GRM3: variants seen among roughly 807,000 people sequenced by gnomAD.
GRM3 encodes the protein glutamate metabotropic receptor 3, also known as metabotropic glutamate receptor 3.
In GRM3, 26 loss-of-function variants were observed where a neutral mutation model predicts 70.5. That is an observed-to-expected ratio of 0.37 (90% CI 0.27 to 0.51). The LOEUF (loss-of-function observed/expected upper bound fraction) is 0.51. Ranked by LOEUF, GRM3 falls within the 20% of genes least tolerant of loss-of-function variation. The pLI is 0.93. For missense variants in GRM3, 859 were observed against 1,123.8 expected (o/e 0.76, Z 3.37); for synonymous variants, 443 against 434.9 (o/e 1.02, Z -0.23).
chr7:86,765,981 G>A (rs757423200), intron 2 of GRM3, among the ~76,000 whole-genome samples: 7 of 152,112 alleles, frequency 4.6e-5, no homozygotes, highest in Non-Finnish European at 8.8e-5. Context: ...TCCTGGAATC[G>A]ATCATCTAGC....
In GRM3 at chr7:86,864,572, A is replaced by G; in HGVS notation, c.*217A>G. On this transcript the variant is annotated 3_prime_UTR_variant, in exon 6 of 6. Coordinates refer to ENST00000361669, the MANE Select transcript of GRM3 (RefSeq NM_000840.3). ...TATTAACAATTCCCCCAGAACATGG[A>G]AATAACCATTGTTTACAGAGCTGAG... is the stretch of plus-strand genomic sequence containing the variant. 2.1e-6 allele frequency: 1 copy of G among 469,250 alleles called. No homozygotes were observed. 29.1% of individuals were successfully genotyped at this position (469,250 alleles called of 1,614,324 possible).
chr7:86,786,662 C>T lies in GRM3; in HGVS notation c.870C>T (p.Arg290=), dbSNP rs750137951. The T allele has an allele frequency of 9.9e-6, 16 of 1,611,882 alleles. No homozygotes were observed. Among genetic ancestry groups the T allele is most frequent in the Non-Finnish European group, 1.7e-6 (2 of 1,179,868 alleles). ...DSRELIAAAS[R]ANASFTWVAS... is the part of the protein sequence containing the mutation. Reference sequence around the variant, plus strand: ...GGGAGCTCATTGCAGCCGCCAGCCGCGCCAATGCCTCCTTCACCTGGGTGG... The same window carrying T: ...GGGAGCTCATTGCAGCCGCCAGCCGTGCCAATGCCTCCTTCACCTGGGTGG... The change falls in exon 3 of 6, where the codon CGC becomes CGT. Residue 290 remains arginine (R), a synonymous_variant. Coordinates refer to ENST00000361669, the MANE Select transcript of GRM3 (RefSeq NM_000840.3). The surrounding 1 kb of genome is among the most constrained non-coding windows in gnomAD (Gnocchi z 6.0).
intron 1 of GRM3, among the ~76,000 whole-genome samples, chr7:86,674,288 A>G (rs1794247983): frequency 7.0e-6 from 1 of 143,486 alleles, no homozygotes. Context: ...TTCCTTCCAC[A>G]TGGGCTTGTC....
chr7:86,758,448 T>C (rs961398733), intron 1 of GRM3, among the ~76,000 whole-genome samples: 1 of 152,156 alleles, frequency 6.6e-6, no homozygotes, highest in African/African-American at 2.4e-5. Flanking sequence ...GGAGAGGCTC[T>C]AATTCAGAGG....
intron 1 of GRM3, among the ~76,000 whole-genome samples, chr7:86,694,765 C>T (rs1794777597): frequency 6.6e-6 from 1 of 152,152 alleles, no homozygotes; most frequent in East Asian, 1.9e-4. Flanking sequence ...TCAGGTTCTG[C>T]TGTTTTCCTG....
At chr7:86,685,029 CTG>C (rs1484086069) in intron 1 of GRM3, among the ~76,000 whole-genome samples, 1 of 152,164 alleles carries the variant, frequency 6.6e-6, no homozygotes, top group African/African-American at 2.4e-5. Flanking sequence ...TTTGTTCAGA[CTG>C]TTACTTTTGT....
At chr7:86,838,817 T>C (rs745682319) in intron 3 of GRM3, 22 bp from the exon 4 acceptor site, 3 of 1,402,044 alleles carry the variant, frequency 2.1e-6, no homozygotes, top group Non-Finnish European at 3.0e-6. Flanking sequence ...TTCTTTTTTT[T>C]CTTTCACTTT....
intron 1 of GRM3, among the ~76,000 whole-genome samples, chr7:86,714,655 A>G (rs1189782643): frequency 6.6e-6 from 1 of 152,070 alleles, no homozygotes; most frequent in East Asian, 1.9e-4. Flanking sequence ...ATCCATTTAA[A>G]AAGTTATAAA....
Position 86,864,483 on chromosome 7 carries a change from T to C in GRM3, c.*128T>C, listed in dbSNP as rs1172920665. 1.3e-6 allele frequency: 1 copy of C among 743,142 alleles called. No homozygotes were observed. Among genetic ancestry groups the C allele is most frequent in the Admixed American group, 1.9e-5 (1 of 52,770 alleles). The allele number at this position is 743,142 out of a possible 1,614,324, so 46.0% of individuals were successfully genotyped here. Reference sequence around the variant, plus strand: ...CTTTTTTTAGAAACAGTACGATAAATTATTTTTGAGGACTGTATATAGTGA... The same window carrying C: ...CTTTTTTTAGAAACAGTACGATAAACTATTTTTGAGGACTGTATATAGTGA... On this transcript the variant is annotated 3_prime_UTR_variant, in exon 6 of 6. Transcript: ENST00000361669.
At chr7:86,649,047 T>C (rs1396192983) in intron 1 of GRM3, among the ~76,000 whole-genome samples, 2 of 152,156 alleles carry the variant, frequency 1.3e-5, no homozygotes, top group Non-Finnish European at 2.9e-5. Flanking sequence ...CGACGGTACA[T>C]GGAAACACTC....
intron 1 of GRM3, among the ~76,000 whole-genome samples, chr7:86,737,454 G>T (rs1243653731): frequency 6.6e-6 from 1 of 152,164 alleles, no homozygotes; most frequent in Non-Finnish European, 1.5e-5. Context: ...CTGAACACTG[G>T]CTACTGCATT....
At chr7:86,753,389 A>G (rs1228104643) in intron 1 of GRM3, among the ~76,000 whole-genome samples, 1 of 152,190 alleles carries the variant, frequency 6.6e-6, no homozygotes, top group Non-Finnish European at 1.5e-5. Context: ...AGTAGATTCA[A>G]ACATTTCACT....
intron 4 of GRM3, among the ~76,000 whole-genome samples, chr7:86,841,034 A>G (rs1798549167): frequency 6.6e-6 from 1 of 152,180 alleles, no homozygotes. Flanking sequence ...TTTTAGCATA[A>G]AAAATGGTAA....
chr7:86,797,532 G>A (rs980395731), intron 3 of GRM3, among the ~76,000 whole-genome samples: 1 of 152,128 alleles, frequency 6.6e-6, no homozygotes, highest in Non-Finnish European at 1.5e-5. Flanking sequence ...GCTGTTAAAG[G>A]CATTCAGTTT....
intron 1 of GRM3, among the ~76,000 whole-genome samples, chr7:86,664,075 G>A (rs949611686): frequency 6.6e-6 from 1 of 151,844 alleles, no homozygotes; most frequent in Non-Finnish European, 1.5e-5. Context: ...TATGTTGAGG[G>A]TTGTTCTTAT....
Position 86,685,486 on chromosome 7 carries a change from T to C in GRM3, c.-141+40614T>C, listed in dbSNP as rs368325864. ...GTGTGAGCAAGTGGGCTTTCTCTCTTGCTCAAGATAAAGGACATTCACTTT... is the reference window on the plus strand; with the variant it reads ...GTGTGAGCAAGTGGGCTTTCTCTCTCGCTCAAGATAAAGGACATTCACTTT... On this transcript the variant is annotated intron_variant, in intron 1 of 5. Transcript: ENST00000361669. Among the ~76,000 whole-genome samples, 199 of 152,306 alleles carry C rather than the reference T, an allele frequency of 1.3e-3. 3 individuals carry two copies. Among genetic ancestry groups the C allele is most frequent in the Admixed American group, 9.6e-3 (147 of 15,294 alleles).
intron 1 of GRM3, among the ~76,000 whole-genome samples, chr7:86,741,143 G>A (rs765940144): frequency 1.3e-5 from 2 of 152,062 alleles, no homozygotes; most frequent in Admixed American, 6.6e-5. Context: ...TAGAGTCCCC[G>A]TTTTGGGATG....
intron 3 of GRM3, among the ~76,000 whole-genome samples, chr7:86,831,362 C>T (rs986706261): frequency 4.6e-5 from 7 of 151,906 alleles, no homozygotes; most frequent in Admixed American, 6.6e-5. Context: ...AATCTAAACA[C>T]TTATTAGAGC....
At chr7:86,780,677 A>T (rs532980917) in intron 2 of GRM3, among the ~76,000 whole-genome samples, 1 of 152,186 alleles carries the variant, frequency 6.6e-6, no homozygotes, top group African/African-American at 2.4e-5. Flanking sequence ...CAGAAAGCCA[A>T]ATCTGACTCT....
Sources: gnomAD v4.1 joint callset for allele counts (sites outside exome capture counted in the v4.1 genomes callset) on GRCh38, gnomAD v4.1.1 for gene constraint, Gnocchi (gnomAD v3.1) non-coding constraint, MANE v1.5 for transcripts, NCBI Gene and HGNC (gene_info 2026-07-23, HGNC 2026-07-21) for gene names.